ZNF644: variants seen among roughly 807,000 people sequenced by gnomAD.
ZNF644 encodes the protein zinc finger motif enhancer binding protein 2.
Under a neutral mutation model 108.0 loss-of-function variants are expected in ZNF644, and 20 were observed. The ratio of observed to expected loss-of-function variants is 0.19; its 90% CI spans 0.13 to 0.27. The LOEUF is 0.27. Ranked by LOEUF, ZNF644 falls within the 10% of genes least tolerant of loss-of-function variation. The pLI is 1.00. For missense variants in ZNF644, 1,338 were observed against 1,548.9 expected, an observed-to-expected ratio of 0.86 and a Z score of 2.29; for synonymous variants, 542 against 539.1, an observed-to-expected ratio of 1.01 and a Z score of -0.08.
chr1:90,969,681 T>C (rs1331536567), intron 2 of ZNF644, among the ~76,000 whole-genome samples: 1 of 152,224 alleles, frequency 6.6e-6, no homozygotes, highest in East Asian at 1.9e-4. Context: ...GGTATCGTAG[T>C]GCTTGTGCTA....
chr1:90,980,493 A>G (rs1171912502), intron 2 of ZNF644, among the ~76,000 whole-genome samples: 1 of 152,250 alleles, frequency 6.6e-6, no homozygotes, highest in Non-Finnish European at 1.5e-5. Flanking sequence ...ACAATTAAAG[A>G]GACAGGTAGA....
At chr1:91,015,406 T>C (rs72724415) in intron 1 of ZNF644, among the ~76,000 whole-genome samples, 2 of 152,312 alleles carry the variant, frequency 1.3e-5, no homozygotes, top group African/African-American at 2.4e-5. Context: ...TCAATCTAGC[T>C]ACCTACCAGC....
In ZNF644 at chr1:90,938,203, A is replaced by C; in HGVS notation, c.3082+69T>G. ...GATTCTAATAAAGACTAAATTCAAA[A>C]AAAACTTTTAAATCTTCAGAATTAG... is the stretch of plus-strand genomic sequence containing the variant. On this transcript the variant is annotated intron_variant, in intron 3 of 5. Transcript: ENST00000337393. The surrounding 1 kb of genome is among the most constrained non-coding windows in gnomAD (Gnocchi z 4.2). The C allele has an allele frequency of 6.2e-7, 1 of 1,612,022 alleles. No homozygotes were observed. The highest frequency in any genetic ancestry group is 8.5e-7 in the Non-Finnish European group (1 of 1,178,732).
In ZNF644 at chr1:90,951,470, G is replaced by C. The variant is rs570627001; in HGVS notation, c.45-10161C>G. Among the ~76,000 whole-genome samples the C allele has an allele frequency of 5.3e-5, 8 of 152,120 alleles. 1 individual carries two copies. Among genetic ancestry groups the C allele is most frequent in the African/African-American group, 1.7e-4 (7 of 41,480 alleles). ...ATTCTTGAATATGTTCTCTACTAGCGTAAGGCCTTAGCATTGACTATTCCT... is the reference window on the plus strand; with the variant it reads ...ATTCTTGAATATGTTCTCTACTAGCCTAAGGCCTTAGCATTGACTATTCCT... On this transcript the variant is annotated intron_variant, in intron 2 of 5. Coordinates refer to ENST00000337393, the MANE Select transcript of ZNF644 (RefSeq NM_201269.3).
intron 1 of ZNF644, among the ~76,000 whole-genome samples, chr1:90,989,082 A>G (rs907287539): frequency 4.6e-5 from 7 of 152,218 alleles, no homozygotes; most frequent in African/African-American, 1.7e-4. Context: ...GAGTGAAAAG[A>G]CAACCTACAG....
rs576101239 is a variant in ZNF644 at position 90,974,776 on chromosome 1, G to A, written c.44+7534C>T. ...GATCTGTTCTCCCCATTTTAATTAG[G>A]TTCATTTGCTAAAACAGATAGAATA... On this transcript the variant is annotated intron_variant, in intron 2 of 5. Coordinates refer to ENST00000337393, the MANE Select transcript of ZNF644 (RefSeq NM_201269.3). Among the ~76,000 whole-genome samples, 46 of 152,086 alleles carry A rather than the reference G, an allele frequency of 3.0e-4. 1 individual carries two copies. The South Asian group carries it at 9.4e-3, about 31-fold the overall frequency.
chr1:90,948,830 A>G (rs1295073848), intron 2 of ZNF644, among the ~76,000 whole-genome samples: 1 of 152,196 alleles, frequency 6.6e-6, no homozygotes, highest in East Asian at 1.9e-4. Context: ...ACGAATGTAT[A>G]CTAGTTTCCT....
Position 90,938,393 on chromosome 1 carries a change from G to A in ZNF644, c.2961C>T (p.His987=). The change falls in exon 3 of 6, where the codon CAC becomes CAT. Residue 987 remains histidine (H), a synonymous_variant. Coordinates refer to ENST00000337393, the MANE Select transcript of ZNF644 (RefSeq NM_201269.3). The surrounding 1 kb of genome is among the most constrained non-coding windows in gnomAD (Gnocchi z 4.2). ...GLSNHVRGHL[H]RAGLSYEARH... ...GGGCTTCATAGCTTAATCCTGCTCT[G>A]TGAAGATGCCCCCTGACATGATTTG... 1 of 1,613,908 alleles carries A rather than the reference G, an allele frequency of 6.2e-7. No homozygotes were observed. The highest frequency in any genetic ancestry group is 8.5e-7 in the Non-Finnish European group (1 of 1,179,888).
At chr1:90,923,731 G>C (rs1468299012) in intron 4 of ZNF644, among the ~76,000 whole-genome samples, 1 of 152,046 alleles carries the variant, frequency 6.6e-6, no homozygotes, top group South Asian at 2.1e-4. Flanking sequence ...ACTAGTTCCT[G>C]CTTGTTTTAA....
chr1:90,945,669 A>T (rs1162788044), intron 2 of ZNF644, among the ~76,000 whole-genome samples: 2 of 152,112 alleles, frequency 1.3e-5, no homozygotes, highest in African/African-American at 2.4e-5. Flanking sequence ...CAAGCTTCCT[A>T]GGTCACTCAG....
intron 1 of ZNF644, among the ~76,000 whole-genome samples, chr1:91,008,049 A>G (rs1659614663): frequency 1.3e-5 from 2 of 152,212 alleles, no homozygotes; most frequent in Admixed American, 1.3e-4. Context: ...TCTCACAGCT[A>G]GATGGGGCAA....
Position 90,939,373 on chromosome 1 carries a change from C to T in ZNF644, c.1981G>A (p.Val661Met). 1.2e-6 allele frequency: 2 copies of T among 1,614,002 alleles called. No individual in the cohort carries two copies. Among genetic ancestry groups the T allele is most frequent in the South Asian group, 1.1e-5 (1 of 91,084 alleles). The change falls in exon 3 of 6, where the codon GTG (valine) becomes ATG (methionine). Residue 661 changes from valine (V) to methionine (M), a missense_variant. Transcript: ENST00000337393. ...FPKNSALKQD[V>M]KRTFGSTSQS... ...GAGGTTGATCCAAATGTTCGCTTCA[C>T]ATCTTGTTTTAAAGCAGAGTTCTTT...
chr1:90,960,590 C>T (rs957160830), intron 2 of ZNF644, among the ~76,000 whole-genome samples: 1 of 152,060 alleles, frequency 6.6e-6, no homozygotes, highest in African/African-American at 2.4e-5. Flanking sequence ...TTAAAGAAAG[C>T]CAATCATAAA....
chr1:90,951,878 T>C (rs966642108), intron 2 of ZNF644, among the ~76,000 whole-genome samples: 2 of 152,208 alleles, frequency 1.3e-5, no homozygotes, highest in African/African-American at 4.8e-5. Context: ...TGCTCCAGTG[T>C]GTAAAAACCT....
chr1:90,940,926 G>A lies in ZNF644; in HGVS notation c.428C>T (p.Pro143Leu). ...AGATTCTGTTGTTGGCTGATCCACA[G>A]GCTGTCCAGTGGTTAATGAAACACT... Reference protein sequence around the residue: ...KGSVSLTTGQPVDQPTTESCS... With the variant: ...KGSVSLTTGQLVDQPTTESCS... Residue 143 changes from proline (P) to leucine (L), a missense_variant, in exon 3 of 6, where the codon CCT becomes CTT. By Grantham distance (98) the Pro-to-Leu change is moderately conservative (BLOSUM62 -3). Around this residue, in one of 6 missense-constraint regions of ZNF644, gnomAD observed 464 missense variants for 457.9 expected, o/e 1.01. Transcript: ENST00000337393. 1 of 1,614,102 alleles carries A rather than the reference G, an allele frequency of 6.2e-7. No homozygotes were observed. Among genetic ancestry groups the A allele is most frequent in the Non-Finnish European group, 8.5e-7 (1 of 1,179,988 alleles).
At chr1:90,955,877 G>A (rs966107592) in intron 2 of ZNF644, among the ~76,000 whole-genome samples, 11 of 152,096 alleles carry the variant, frequency 7.2e-5, no homozygotes, top group Non-Finnish European at 1.3e-4. Context: ...AAATGTTTGC[G>A]GCAAGAGGCC....
intron 2 of ZNF644, among the ~76,000 whole-genome samples, chr1:90,980,668 C>T (rs567545025): frequency 6.6e-6 from 1 of 152,220 alleles, no homozygotes; most frequent in East Asian, 1.9e-4. Flanking sequence ...GACATAGTCA[C>T]AACATAGATG....
chr1:90,974,262 G>A (rs1208098304), intron 2 of ZNF644, among the ~76,000 whole-genome samples: 1 of 152,028 alleles, frequency 6.6e-6, no homozygotes, highest in Non-Finnish European at 1.5e-5. Context: ...TTGGGAGGCA[G>A]AGATTGCAGT....
chr1:91,016,678 TTAA>T (rs1048114255), intron 1 of ZNF644, among the ~76,000 whole-genome samples: 6 of 152,238 alleles, frequency 3.9e-5, no homozygotes, highest in African/African-American at 1.4e-4. Context: ...AAGTAAAATA[TTAA>T]TCTTTTCAAA....
Sources: allele counts gnomAD v4.1 joint callset (sites outside exome capture counted in the v4.1 genomes callset), GRCh38; gene constraint gnomAD v4.1.1; regional missense constraint gnomAD v4.1.1; non-coding constraint Gnocchi (gnomAD v3.1); transcripts MANE v1.5; gene names NCBI Gene and HGNC (gene_info 2026-07-23, HGNC 2026-07-21).